The following PRKCD variants were observed in gnomAD, a reference collection of about 807,000 sequenced individuals.
The protein encoded by PRKCD is protein kinase C delta.
A neutral mutation model predicts 82.2 loss-of-function variants in PRKCD; 20 were observed. The observed-to-expected ratio is 0.24, with a 90% CI of 0.17 to 0.35. The LOEUF is 0.35. Ranked by LOEUF, PRKCD falls within the 10% of genes least tolerant of loss-of-function variation. The probability of loss-of-function intolerance (pLI) is 1.00; values close to 1 mark genes in which losing one functional copy is unlikely to be tolerated. For synonymous variants in PRKCD, 317 were observed against 337.0 expected, an observed-to-expected ratio of 0.94 and a Z score of 0.65; for missense variants, 607 against 899.0, an observed-to-expected ratio of 0.68 and a Z score of 4.15.
chr3:53,171,939 G>A (rs571625047), intron 2 of PRKCD, among the ~76,000 whole-genome samples: 3 of 152,208 alleles, frequency 2.0e-5, no homozygotes, highest in East Asian at 3.9e-4. Flanking sequence ...GACCAGAGAT[G>A]GTGACAACCG....
At position 53,190,858 on chromosome 3, in the gene PRKCD, C is replaced by T. The variant is rs531432612; in HGVS notation, c.1872+857C>T. Among the ~76,000 whole-genome samples the T allele has an allele frequency of 3.9e-4, 59 of 152,330 alleles. No individual in the cohort carries two copies. The South Asian group carries it at 0.012, about 32-fold the overall frequency. On this transcript the variant is annotated intron_variant, in intron 18 of 18. Transcript: ENST00000330452. ...GACCTCAAACTCAGACGTGTCCTGG[C>T]TGAGCATGTAACTGACAGGCTAGGC... is the stretch of plus-strand genomic sequence containing the variant.
intron 9 of PRKCD, among the ~76,000 whole-genome samples, 199 bp downstream of exon 9, chr3:53,183,780 G>A (rs782397115): frequency 2.0e-5 from 3 of 152,334 alleles, no homozygotes; most frequent in Non-Finnish European, 4.4e-5. Context: ...GTGACCACAG[G>A]TGGGCGGCTC....
chr3:53,166,694 A>G (rs1359052339), intron 2 of PRKCD, among the ~76,000 whole-genome samples: 1 of 152,250 alleles, frequency 6.6e-6, no homozygotes, highest in Non-Finnish European at 1.5e-5. Flanking sequence ...GGTCAGAGTT[A>G]CAGCCCAGTC....
chr3:53,180,847 C>G (rs1359883045), intron 4 of PRKCD, among the ~76,000 whole-genome samples: 1 of 152,166 alleles, frequency 6.6e-6, no homozygotes, highest in African/African-American at 2.4e-5. Context: ...GTCTGTCTCT[C>G]TCCGCATGTG....
In PRKCD at chr3:53,184,970, C is replaced by T. The variant is rs782223934; in HGVS notation, c.884C>T (p.Thr295Ile). 5.6e-6 allele frequency: 9 copies of T among 1,613,944 alleles called. No individual in the cohort carries two copies. The highest frequency in any genetic ancestry group is 1.7e-4 in the Middle Eastern group (1 of 6,060). ...TTGGCTGAGGCCTTGAACCAAGTCA[C>T]CCAGGTGGGCAGGTGCCATGGGGAC... ...KLLAEALNQV[T>I]QRASRRSDSA... The change falls in exon 10 of 19, where the codon ACC (threonine) becomes ATC (isoleucine). Residue 295 changes from threonine (T) to isoleucine (I), a missense_variant. This residue lies in a region of PRKCD where 85 missense variants were observed against 76.1 expected (regional missense o/e 1.12). Coordinates refer to ENST00000330452, the MANE Select transcript of PRKCD (RefSeq NM_006254.4).
chr3:53,192,324 G>A lies in PRKCD; in HGVS notation c.*58G>A. On this transcript the variant is annotated 3_prime_UTR_variant, in exon 19 of 19. Transcript: ENST00000330452. ...CCACCCACACCTGCCCGCTCCCCAC[G>A]ATAAGCACCAGTGGGACTGTGGTGA... 3.8e-6 allele frequency: 6 copies of A among 1,584,510 alleles called. No individual in the cohort carries two copies. The highest frequency in any genetic ancestry group is 4.5e-5 in the East Asian group (2 of 44,502).
rs1703944093 is a variant in PRKCD, at chr3:53,192,090, C to T, written c.1873-18C>T. ...ATTCCCTAGGTCCTGTTCGCTCACC[C>T]CTGCCCTCTGCTTGTAGAAGTCACC... On this transcript the variant is annotated intron_variant, in intron 18 of 18. Coordinates refer to ENST00000330452, the MANE Select transcript of PRKCD (RefSeq NM_006254.4). 6.2e-7 allele frequency: 1 copy of T among 1,613,850 alleles called. No individual in the cohort carries two copies. Among genetic ancestry groups the T allele is most frequent in the Non-Finnish European group, 8.5e-7 (1 of 1,179,896 alleles).
intron 7 of PRKCD, chr3:53,182,031 T>G: frequency 1.7e-6 from 1 of 587,456 alleles, no homozygotes; most frequent in East Asian, 3.6e-5. Flanking sequence ...CAGGCCTCTT[T>G]TCCTCGGAGA....
At chr3:53,183,906 G>A (rs552039012) in intron 9 of PRKCD, among the ~76,000 whole-genome samples, 20 of 152,358 alleles carry the variant, frequency 1.3e-4, no homozygotes, top group African/African-American at 4.3e-4. Flanking sequence ...GCCCAGACAG[G>A]CCTCCCCTGC....
At chr3:53,179,799 C>CGCGT (rs1553666938) in intron 4 of PRKCD, 23 bp downstream of exon 4, 16 of 1,410,008 alleles carry the variant, frequency 1.1e-5, no homozygotes, top group African/African-American at 1.4e-5. Context: ...CGAGCCGTGC[C>CGCGT]GTGTGTGTGT....
chr3:53,186,312 C>A lies in PRKCD; in HGVS notation c.1232C>A (p.Thr411Asn). 6.2e-7 allele frequency: 1 copy of A among 1,614,162 alleles called. No individual in the cohort carries two copies. The highest frequency in any genetic ancestry group is 8.5e-7 in the Non-Finnish European group (1 of 1,180,018). ...LTLAAENPFLTHLICTFQTKD... is the reference protein window; with the variant it reads ...LTLAAENPFLNHLICTFQTKD... ...CTTGCCGCAGAGAATCCCTTTCTCA[C>A]CCACCTCATCTGCACCTTCCAGACC... Residue 411 changes from threonine to asparagine, a missense_variant, in exon 13 of 19, where the codon ACC (threonine) becomes AAC (asparagine). This residue lies in a region of PRKCD where 251 missense variants were observed against 423.9 expected (regional missense o/e 0.59). Transcript: ENST00000330452.
chr3:53,176,443 G>T (rs1450158092), intron 2 of PRKCD, among the ~76,000 whole-genome samples: 3 of 152,286 alleles, frequency 2.0e-5, no homozygotes, highest in African/African-American at 2.4e-5. Context: ...GCCACCTTGT[G>T]CAGGAGCTGG....
chr3:53,179,460 C>A (rs782285064), intron 3 of PRKCD, 117 bp from the exon 4 acceptor site: 20 of 1,358,770 alleles, frequency 1.5e-5, no homozygotes, highest in Non-Finnish European at 2.1e-5. Flanking sequence ...TGGGGAACCA[C>A]AGCAGGCCCT....
At chr3:53,167,021 T>C (rs1702857495) in intron 2 of PRKCD, among the ~76,000 whole-genome samples, 1 of 152,200 alleles carries the variant, frequency 6.6e-6, no homozygotes, top group Non-Finnish European at 1.5e-5. Context: ...ACGGTGTCCA[T>C]GCCTAGAGGG....
At chr3:53,175,261 G>A (rs939021139) in intron 2 of PRKCD, among the ~76,000 whole-genome samples, 1 of 152,198 alleles carries the variant, frequency 6.6e-6, no homozygotes, top group East Asian at 1.9e-4. Flanking sequence ...TTCCCAGGCT[G>A]CTGGGCAGGC....
At chr3:53,183,395 T>G in intron 8 of PRKCD, 57 bp from the exon 9 acceptor site, 3 of 1,607,046 alleles carry the variant, frequency 1.9e-6, no homozygotes, top group Non-Finnish European at 2.6e-6. Context: ...AGCTAGGGGT[T>G]GAAGAAGAGG....
chr3:53,175,740 C>A lies in PRKCD; in HGVS notation c.-19-2664C>A, dbSNP rs553696544. On this transcript the variant is annotated intron_variant, in intron 2 of 18. Transcript: ENST00000330452. ...GCCCCATCTGGGTCTCCAGGTTTTC[C>A]TAACAGCAGAGCTGCATCTGCTGGG... 3.7e-4 allele frequency among the ~76,000 whole-genome samples: 56 copies of A among 152,336 alleles called. No homozygotes were observed. In the South Asian group the frequency reaches 0.011, roughly 31 times the overall value.
Position 53,192,349 on chromosome 3 carries a change from A to C in PRKCD, c.*83A>C. ...GATAAGCACCAGTGGGACTGTGGTGACTTCTGCTGCTGGCCCCGCCCCTGC... is the reference window on the plus strand; with the variant it reads ...GATAAGCACCAGTGGGACTGTGGTGCCTTCTGCTGCTGGCCCCGCCCCTGC... On this transcript the variant is annotated 3_prime_UTR_variant, in exon 19 of 19. Transcript: ENST00000330452. The C allele has an allele frequency of 6.5e-7, 1 of 1,526,940 alleles. No homozygotes were observed. Among genetic ancestry groups the C allele is most frequent in the Non-Finnish European group, 9.0e-7 (1 of 1,111,948 alleles). 94.6% of individuals were successfully genotyped at this position (1,526,940 alleles called of 1,614,324 possible).
intron 2 of PRKCD, among the ~76,000 whole-genome samples, chr3:53,166,539 A>G (rs539974222): frequency 2.6e-5 from 4 of 152,348 alleles, no homozygotes; most frequent in East Asian, 1.9e-4. Flanking sequence ...GTGGGCATGC[A>G]GGTACACAGG....
Sources: allele counts gnomAD v4.1 joint callset (sites outside exome capture counted in the v4.1 genomes callset), GRCh38; gene constraint gnomAD v4.1.1; regional missense constraint gnomAD v4.1.1; transcripts MANE v1.5; gene names NCBI Gene and HGNC (gene_info 2026-07-23, HGNC 2026-07-21).